The following NFATC2 variants were observed in gnomAD, a reference collection of about 807,000 sequenced individuals.
NFATC2 encodes nuclear factor of activated T cells 2.
A neutral mutation model predicts 87.3 loss-of-function variants in NFATC2; 22 were observed. That is an observed-to-expected ratio of 0.25 (90% CI 0.18 to 0.36). NFATC2 has a LOEUF of 0.36. Among genes scored for constraint, NFATC2 ranks in the 10% least tolerant of loss-of-function variants. The pLI, the probability that NFATC2 is intolerant of heterozygous loss-of-function variation, is 1.00. For missense variants in NFATC2, 1,149 were observed against 1,259.1 expected (o/e 0.91, Z 1.32); for synonymous variants, 565 against 542.2 (o/e 1.04, Z -0.58).
intron 6 of NFATC2, among the ~76,000 whole-genome samples, chr20:51,451,201 G>A (rs3787204): frequency 1.3e-5 from 2 of 152,200 alleles, no homozygotes; most frequent in African/African-American, 2.4e-5. Context: ...GGACAGCTCG[G>A]GGGAGCTGTG....
At chr20:51,560,301 T>G (rs1246384619) in intron 1 of NFATC2, among the ~76,000 whole-genome samples, 1 of 152,136 alleles carries the variant, frequency 6.6e-6, no homozygotes, top group Non-Finnish European at 1.5e-5. Context: ...CACACAGTTG[T>G]GATGTGGCCA....
intron 1 of NFATC2, among the ~76,000 whole-genome samples, chr20:51,532,096 A>G (rs541872109): frequency 6.6e-6 from 1 of 152,308 alleles, no homozygotes; most frequent in African/African-American, 2.4e-5. Flanking sequence ...CGCTTGTCAT[A>G]ATCAAAATAC....
chr20:51,504,903 T>C (rs2059351590), intron 3 of NFATC2, among the ~76,000 whole-genome samples: 1 of 149,554 alleles, frequency 6.7e-6, no homozygotes, highest in Non-Finnish European at 1.5e-5. Flanking sequence ...TTTTGTGAGC[T>C]CAAGTGTGCA....
rs765804863 is a variant in NFATC2 at position 51,523,632 on chromosome 20, C to G, written c.609G>C (p.Pro203=). The G allele has an allele frequency of 6.2e-7, 1 of 1,613,790 alleles. No homozygotes were observed. The highest frequency in any genetic ancestry group is 8.5e-7 in the Non-Finnish European group (1 of 1,179,832). Residue 203 remains proline (P), a synonymous_variant, in exon 2 of 11, where the codon CCG becomes CCC. Transcript: ENST00000371564. This position sits in a 1 kb window ranked among gnomAD's most constrained non-coding sequence, Gnocchi z 6.9. ...AATGAGCAGGGATGTTTTGAAACTG[C>G]GGACACAGGTCGTCGGGCCCGCCGT... The part of the protein sequence containing the change: ...PNNGGPDDLC[P]QFQNIPAHYS...
chr20:51,492,668 G>T (rs567908992), intron 3 of NFATC2, among the ~76,000 whole-genome samples: 1 of 152,354 alleles, frequency 6.6e-6, no homozygotes, highest in East Asian at 1.9e-4. Flanking sequence ...ACTGGCTAAT[G>T]GGCTCCCCGC....
At chr20:51,543,536 CAG>C (rs956150416), upstream of NFATC2, among the ~76,000 whole-genome samples, 5 of 152,144 alleles carry the variant, frequency 3.3e-5, no homozygotes, top group African/African-American at 1.2e-4. Flanking sequence ...AACCAAAACA[CAG>C]AGCCAGAGCT....
chr20:51,398,601 C>CACA (rs1987591179), intron 10 of NFATC2, 42 bp downstream of exon 10: 66 of 1,442,568 alleles, frequency 4.6e-5, no homozygotes, highest in Non-Finnish European at 6.3e-5. Flanking sequence ...TAAGGAAACA[C>CACA]ACAGCTGGAA....
At chr20:51,412,956 C>T (rs1979468109) in intron 9 of NFATC2, among the ~76,000 whole-genome samples, 2 of 88,678 alleles carry the variant, frequency 2.3e-5, no homozygotes, top group Middle Eastern at 4.3e-3. Flanking sequence ...ACCCCACCCC[C>T]GCCCCACCGA....
At chr20:51,500,905 C>G (rs2076079500) in intron 3 of NFATC2, among the ~76,000 whole-genome samples, 1 of 114,902 alleles carries the variant, frequency 8.7e-6, no homozygotes, top group Non-Finnish European at 1.8e-5. Context: ...AAAGCTCCAT[C>G]CAAAAGAAAG....
At chr20:51,415,336 T>C (rs1382311257) in intron 9 of NFATC2, among the ~76,000 whole-genome samples, 1 of 152,198 alleles carries the variant, frequency 6.6e-6, no homozygotes. Flanking sequence ...CTGCATCTTA[T>C]TAACAGACAT....
At chr20:51,472,796 C>T (rs61137995) in intron 5 of NFATC2, among the ~76,000 whole-genome samples, 1,714 of 151,978 alleles carry the variant, frequency 0.011, 36 homozygotes, top group African/African-American at 0.039. Context: ...CCACCACACC[C>T]GGCTAATTTT....
At chr20:51,561,923 G>C (rs774888840) in intron 1 of NFATC2, among the ~76,000 whole-genome samples, 30 of 152,142 alleles carry the variant, frequency 2.0e-4, no homozygotes, top group Non-Finnish European at 1.0e-4. Flanking sequence ...CAAGAGAAGG[G>C]GGAAAGAAGC....
At chr20:51,500,488 T>C (rs2076059969) in intron 3 of NFATC2, among the ~76,000 whole-genome samples, 1 of 151,676 alleles carries the variant, frequency 6.6e-6, no homozygotes, top group Admixed American at 6.6e-5. Context: ...TAGAATTAAG[T>C]AAGTTTAGAG....
At chr20:51,434,708 G>A (rs1377769063) in intron 8 of NFATC2, among the ~76,000 whole-genome samples, 2 of 152,040 alleles carry the variant, frequency 1.3e-5, no homozygotes, top group Non-Finnish European at 1.5e-5. Context: ...ACCTTTCTTG[G>A]GGCTGTACTT....
chr20:51,463,081 G>A (rs1987319534), intron 5 of NFATC2, among the ~76,000 whole-genome samples: 1 of 152,184 alleles, frequency 6.6e-6, no homozygotes, highest in Non-Finnish European at 1.5e-5. Context: ...CCCCATCCTT[G>A]GCTGTGAGCC....
chr20:51,431,790 G>A (rs1045940216), intron 9 of NFATC2, among the ~76,000 whole-genome samples: 1 of 150,744 alleles, frequency 6.6e-6, no homozygotes, highest in African/African-American at 2.4e-5. Flanking sequence ...CCCAGGGGAT[G>A]CCGGGTTGCC....
chr20:51,522,573 C>CTTTT lies in NFATC2; in HGVS notation c.1160+504_1160+507dup, dbSNP rs10648166. ...TTTAAGCTCCTTGGCTCACATATTT[C>CTTTT]TTTTTTTTTTTTTTAGGTCCTCCAT... On this transcript the variant is annotated intron_variant, in intron 2 of 10. Coordinates refer to ENST00000371564, the MANE Select transcript of NFATC2 (RefSeq NM_012340.5). Among the ~76,000 whole-genome samples, 793 of 145,536 alleles carry CTTTT rather than the reference C, an allele frequency of 5.4e-3. 7 individuals carry two copies. The highest frequency in any genetic ancestry group is 8.3e-3 in the South Asian group (38 of 4,592).
At chr20:51,435,104 G>A (rs1015499114) in intron 8 of NFATC2, 84 bp downstream of exon 8, 97 of 1,539,512 alleles carry the variant, frequency 6.3e-5, no homozygotes, top group Non-Finnish European at 7.6e-5. Flanking sequence ...AAAGTTACCC[G>A]GCTAGGAGCA....
At chr20:51,493,574 T>G (rs1030666561) in intron 3 of NFATC2, among the ~76,000 whole-genome samples, 5 of 152,188 alleles carry the variant, frequency 3.3e-5, no homozygotes, top group South Asian at 2.1e-4. Flanking sequence ...ACTATGAGTC[T>G]CACTCACCGG....
Sources: gnomAD v4.1 joint callset for allele counts (sites outside exome capture counted in the v4.1 genomes callset) on GRCh38, gnomAD v4.1.1 for gene constraint, Gnocchi (gnomAD v3.1) non-coding constraint, MANE v1.5 for transcripts, NCBI Gene and HGNC (gene_info 2026-07-23, HGNC 2026-07-21) for gene names.